The following LARGE1 variants were observed in gnomAD, a reference collection of about 807,000 sequenced individuals.
LARGE1 encodes xylosyl- and glucuronyltransferase LARGE1.
A neutral mutation model predicts 87.6 loss-of-function variants in LARGE1; 43 were observed. The observed-to-expected ratio is 0.49, with a 90% CI of 0.38 to 0.63. The LOEUF is 0.63. Ranked by LOEUF, LARGE1 falls within the 30% of genes least tolerant of loss-of-function variation. The pLI, the probability that LARGE1 is intolerant of heterozygous loss-of-function variation, is 0.00. For missense variants in LARGE1, 802 were observed against 1,000.2 expected (o/e 0.80, Z 2.67); for synonymous variants, 434 against 394.6 (o/e 1.10, Z -1.18).
intron 1 of LARGE1, among the ~76,000 whole-genome samples, chr22:33,792,179 C>T (rs546914012): frequency 3.9e-5 from 6 of 152,256 alleles, no homozygotes; most frequent in East Asian, 3.9e-4. Flanking sequence ...GGCTGTGTCC[C>T]CACCCAAATC....
chr22:33,790,572 A>C (rs541287168), intron 1 of LARGE1, among the ~76,000 whole-genome samples: 20 of 152,372 alleles, frequency 1.3e-4, no homozygotes, highest in African/African-American at 4.6e-4. Context: ...AAGAAAACTA[A>C]GATGGTTCTT....
intron 11 of LARGE1, among the ~76,000 whole-genome samples, chr22:33,209,171 A>G (rs183011882): frequency 2.0e-5 from 3 of 152,310 alleles, no homozygotes; most frequent in East Asian, 3.9e-4. Context: ...TGGTTGACAA[A>G]ACATCACAAA....
At chr22:33,445,945 C>T (rs539286400) in intron 6 of LARGE1, among the ~76,000 whole-genome samples, 2 of 151,268 alleles carry the variant, frequency 1.3e-5, no homozygotes, top group East Asian at 2.0e-4. Flanking sequence ...CCACTGCACC[C>T]GGCCCTAAGG....
chr22:33,292,986 G>A (rs944810327), intron 12 of LARGE1, among the ~76,000 whole-genome samples: 1 of 152,194 alleles, frequency 6.6e-6, no homozygotes, highest in Non-Finnish European at 1.5e-5. Context: ...TAAACCTTGG[G>A]CACAGAGCTA....
At chr22:33,705,294 C>G (rs2082528385) in intron 2 of LARGE1, among the ~76,000 whole-genome samples, 1 of 152,194 alleles carries the variant, frequency 6.6e-6, no homozygotes, top group African/African-American at 2.4e-5. Context: ...CCCCTTCCAT[C>G]TTTTCTTTTA....
At chr22:33,673,711 A>G (rs2081483519) in intron 2 of LARGE1, among the ~76,000 whole-genome samples, 2 of 151,844 alleles carry the variant, frequency 1.3e-5, no homozygotes, top group Non-Finnish European at 2.9e-5. Context: ...TTTTATTTTT[A>G]TTTTGAGACA....
chr22:33,556,877 A>G (rs914745480), intron 6 of LARGE1, among the ~76,000 whole-genome samples: 1 of 152,042 alleles, frequency 6.6e-6, no homozygotes, highest in South Asian at 2.1e-4. Context: ...GTGGTGGTGC[A>G]CGCCTGTAGT....
chr22:33,496,071 C>T (rs1055908987), intron 6 of LARGE1, among the ~76,000 whole-genome samples: 4 of 152,272 alleles, frequency 2.6e-5, no homozygotes, highest in Middle Eastern at 3.4e-3. Flanking sequence ...GAAGCCAGTC[C>T]GAGTCCCAAA....
At chr22:33,905,184 C>T (rs1383842241) in intron 1 of LARGE1, among the ~76,000 whole-genome samples, 3 of 150,622 alleles carry the variant, frequency 2.0e-5, no homozygotes, top group Non-Finnish European at 4.4e-5. Context: ...ACCTCCCAGT[C>T]TCCTGAGTAG....
chr22:33,350,191 T>C (rs1940229251), intron 9 of LARGE1, among the ~76,000 whole-genome samples: 1 of 152,206 alleles, frequency 6.6e-6, no homozygotes, highest in Non-Finnish European at 1.5e-5. Flanking sequence ...TTCAATGTGT[T>C]GGGTTCCTTT....
chr22:33,718,135 T>C (rs750178349), intron 2 of LARGE1, among the ~76,000 whole-genome samples: 2 of 152,232 alleles, frequency 1.3e-5, no homozygotes, highest in Non-Finnish European at 2.9e-5. Flanking sequence ...ACACCAAATA[T>C]GCCGTTATTT....
chr22:33,898,881 C>T (rs750384996), intron 1 of LARGE1, among the ~76,000 whole-genome samples: 5 of 152,366 alleles, frequency 3.3e-5, no homozygotes, highest in Non-Finnish European at 7.3e-5. Context: ...CCTGCCTCCT[C>T]ATTCCCTGAG....
intron 1 of LARGE1, among the ~76,000 whole-genome samples, chr22:33,837,634 T>TG (rs1265841680): frequency 6.6e-6 from 1 of 152,232 alleles, no homozygotes; most frequent in East Asian, 1.9e-4. Flanking sequence ...TCTGAGTCCA[T>TG]GAGGCATCTT....
intron 4 of LARGE1, among the ~76,000 whole-genome samples, chr22:33,624,521 G>T (rs2079859095): frequency 6.6e-6 from 1 of 152,132 alleles, no homozygotes; most frequent in Admixed American, 6.5e-5. Flanking sequence ...AATGGAGAAG[G>T]AGGGAGAAAT....
At chr22:33,899,431 AAACC>A (rs1340379340) in intron 1 of LARGE1, among the ~76,000 whole-genome samples, 1 of 152,238 alleles carries the variant, frequency 6.6e-6, no homozygotes, top group Non-Finnish European at 1.5e-5. Context: ...TGGATGTAAC[AAACC>A]AATAAATACC....
chr22:33,423,404 C>G (rs921339736), intron 7 of LARGE1, among the ~76,000 whole-genome samples: 1 of 151,904 alleles, frequency 6.6e-6, no homozygotes, highest in South Asian at 2.1e-4. Flanking sequence ...TGGCTGGGCA[C>G]GGTGGCTCAC....
At chr22:33,530,138 G>A (rs1227172132) in intron 6 of LARGE1, among the ~76,000 whole-genome samples, 1 of 152,218 alleles carries the variant, frequency 6.6e-6, no homozygotes, top group Non-Finnish European at 1.5e-5. Context: ...CTTCTGGGAA[G>A]AAGGGATTTT....
intron 2 of LARGE1, among the ~76,000 whole-genome samples, chr22:33,712,737 T>C (rs2082773939): frequency 6.7e-6 from 1 of 150,154 alleles, no homozygotes; most frequent in African/African-American, 2.4e-5. Flanking sequence ...GCCACTAACC[T>C]ACTAGTCTCT....
chr22:33,690,482 G>C lies in LARGE1; in HGVS notation c.107-39814C>G, dbSNP rs528579201. Among the ~76,000 whole-genome samples the C allele has an allele frequency of 2.3e-4, 35 of 152,180 alleles. 1 individual carries two copies. The South Asian group carries it at 4.4e-3, about 19-fold the overall frequency. ...CCCCAGGTAAGGCTGGAAGAAGCCT[G>C]ACCTGAGTTACTCTCCCAAAGATCA... On this transcript the variant is annotated intron_variant, in intron 2 of 14. Coordinates refer to ENST00000397394, the MANE Select transcript of LARGE1 (RefSeq NM_133642.5).
Sources: allele counts gnomAD v4.1 joint callset (sites outside exome capture counted in the v4.1 genomes callset), GRCh38; gene constraint gnomAD v4.1.1; transcripts MANE v1.5; gene names NCBI Gene and HGNC (gene_info 2026-07-23, HGNC 2026-07-21).